TXNDC11: variants seen among roughly 807,000 people sequenced by gnomAD.
TXNDC11 encodes thioredoxin domain containing 11.
In TXNDC11, 68 loss-of-function variants were observed where a neutral mutation model predicts 78.0. The ratio of observed to expected loss-of-function variants is 0.87; its 90% CI spans 0.72 to 1.07. The LOEUF is 1.07. Ranked by LOEUF, TXNDC11 falls within the 50% of genes least tolerant of loss-of-function variation. The pLI is 0.00. For synonymous variants in TXNDC11, 571 were observed against 495.2 expected (o/e 1.15, Z -2.03); for missense variants, 1,389 against 1,221.8 (o/e 1.14, Z -2.04).
Position 11,735,341 on chromosome 16 carries a change from A to G in TXNDC11, c.471+676T>C, listed in dbSNP as rs192984535. Among the ~76,000 whole-genome samples the G allele has an allele frequency of 3.0e-3, 451 of 152,302 alleles. 3 individuals are homozygous for G. Among genetic ancestry groups the G allele is most frequent in the African/African-American group, 9.8e-3 (408 of 41,540 alleles). On this transcript the variant is annotated intron_variant, in intron 2 of 11. Coordinates refer to ENST00000283033, the MANE Select transcript of TXNDC11 (RefSeq NM_015914.7). ...ACTGTGCACTTACATACTAAAATAT[A>G]TATCATTTAGTTACAAATTACTTTC...
chr16:11,700,399 A>C, intron 6 of TXNDC11, 53 bp downstream of exon 6: 1 of 848,342 alleles, frequency 1.2e-6, no homozygotes, highest in African/African-American at 1.7e-5. Context: ...TCTGTGACCT[A>C]AACAAGGTTA....
At chr16:11,694,324 G>C (rs1253727309) in intron 7 of TXNDC11, among the ~76,000 whole-genome samples, 3 of 151,918 alleles carry the variant, frequency 2.0e-5, no homozygotes, top group Non-Finnish European at 4.4e-5. Context: ...ATTTTTAGGA[G>C]AGACGAGATT....
Position 11,684,156 on chromosome 16 carries a change from T to G in TXNDC11, c.2234+9A>C. The G allele has an allele frequency of 6.2e-7, 1 of 1,610,062 alleles. No individual in the cohort carries two copies. Among genetic ancestry groups the G allele is most frequent in the Non-Finnish European group, 8.5e-7 (1 of 1,176,570 alleles). On this transcript the variant is annotated intron_variant, in intron 11 of 11. Coordinates refer to ENST00000283033, the MANE Select transcript of TXNDC11 (RefSeq NM_015914.7). Reference sequence around the variant, plus strand: ...CAACTGCCCACCAGTGACAAAAATTTGGCATTACCTGTTGCAGGGAAAAAA... The same window carrying G: ...CAACTGCCCACCAGTGACAAAAATTGGGCATTACCTGTTGCAGGGAAAAAA...
At chr16:11,689,103 T>TA (rs2141981699) in intron 8 of TXNDC11, among the ~76,000 whole-genome samples, 1 of 151,288 alleles carries the variant, frequency 6.6e-6, no homozygotes, top group African/African-American at 2.4e-5. Context: ...TTTTTTTTTT[T>TA]AAAGAGACAG....
chr16:11,700,695 A>C, intron 5 of TXNDC11, 131 bp from the exon 6 acceptor site: 1 of 573,760 alleles, frequency 1.7e-6, no homozygotes, highest in Middle Eastern at 2.6e-4. Context: ...CTAGAGAGGG[A>C]AGGAAGAGGC....
chr16:11,697,581 C>A (rs1295363729), intron 7 of TXNDC11, among the ~76,000 whole-genome samples: 1 of 152,168 alleles, frequency 6.6e-6, no homozygotes, highest in Non-Finnish European at 1.5e-5. Context: ...GAACAGCAGG[C>A]TCCGATGGCG....
At chr16:11,685,795 G>C (rs564125469) in intron 10 of TXNDC11, among the ~76,000 whole-genome samples, 73 of 152,298 alleles carry the variant, frequency 4.8e-4, no homozygotes, top group African/African-American at 1.7e-3. Flanking sequence ...TTCTAAACAA[G>C]TGGGAGTGAA....
chr16:11,701,492 G>C (rs528781908), intron 5 of TXNDC11, among the ~76,000 whole-genome samples: 26 of 152,190 alleles, frequency 1.7e-4, no homozygotes, highest in Non-Finnish European at 3.5e-4. Flanking sequence ...TTTCATGCTA[G>C]TATCCCAGCA....
chr16:11,680,277 A>G (rs1000964874), intron 11 of TXNDC11, among the ~76,000 whole-genome samples: 1 of 152,230 alleles, frequency 6.6e-6, no homozygotes, highest in African/African-American at 2.4e-5. Context: ...CCGGAGAAAA[A>G]GGAAGAACTT....
rs765247609 is a variant in TXNDC11 at position 11,721,559 on chromosome 16, A to C, written c.793+18T>G. 1.4e-6 allele frequency: 2 copies of C among 1,425,826 alleles called. No individual in the cohort carries two copies. The highest frequency in any genetic ancestry group is 2.3e-5 in the South Asian group (2 of 85,456). 88.3% of individuals were successfully genotyped at this position (1,425,826 alleles called of 1,614,324 possible). A position where few individuals can be genotyped will look rare whatever the true frequency, so the allele number is the denominator to read the frequency against. ...ATTCTACTGAAGTAACAATGTCTTA[A>C]TATGAATCATTTTTTACCTTTCTTT... is the stretch of plus-strand genomic sequence containing the variant. On this transcript the variant is annotated intron_variant, in intron 5 of 11. Transcript: ENST00000283033.
At chr16:11,681,810 A>G (rs1192904431) in intron 11 of TXNDC11, among the ~76,000 whole-genome samples, 1 of 152,230 alleles carries the variant, frequency 6.6e-6, no homozygotes, top group African/African-American at 2.4e-5. Context: ...CAGGAAGGCT[A>G]TGTCTCCCTC....
intron 7 of TXNDC11, among the ~76,000 whole-genome samples, chr16:11,695,835 A>C (rs890598163): frequency 6.6e-6 from 1 of 152,046 alleles, no homozygotes; most frequent in African/African-American, 2.4e-5. Flanking sequence ...GGCTTTTGAA[A>C]CCTGCCTGGG....
At chr16:11,731,888 C>A (rs1002935671) in intron 3 of TXNDC11, among the ~76,000 whole-genome samples, 1 of 152,166 alleles carries the variant, frequency 6.6e-6, no homozygotes, top group African/African-American at 2.4e-5. Context: ...ATTACCACCA[C>A]CACCAACCCC....
chr16:11,693,023 C>T (rs2050763694), intron 7 of TXNDC11, among the ~76,000 whole-genome samples: 1 of 152,262 alleles, frequency 6.6e-6, no homozygotes, highest in Admixed American at 6.6e-5. Flanking sequence ...CCTGAGACCC[C>T]TTCTACAGTC....
At chr16:11,688,532 T>C (rs745898517) in intron 8 of TXNDC11, 87 bp from the exon 9 acceptor site, 4 of 1,105,486 alleles carry the variant, frequency 3.6e-6, no homozygotes, top group Non-Finnish European at 5.1e-6. Flanking sequence ...TTTTAAAAAC[T>C]CAAATGACTT....
Position 11,698,182 on chromosome 16 carries a change from C to T in TXNDC11, c.1050G>A (p.Ala350=), listed in dbSNP as rs750974659. ...LLNNELKKGP[A]LFLFIPFNPL... Reference sequence around the variant, plus strand: ...GATTAAAAGGTATGAACAGAAACAGCGCTGGTCCTTTCTTCAGCTCGTTAT... The same window carrying T: ...GATTAAAAGGTATGAACAGAAACAGTGCTGGTCCTTTCTTCAGCTCGTTAT... The change falls in exon 7 of 12, where the codon GCG becomes GCA. Residue 350 remains alanine (A), a synonymous_variant. Coordinates refer to ENST00000283033, the MANE Select transcript of TXNDC11 (RefSeq NM_015914.7). 3.7e-6 allele frequency: 6 copies of T among 1,614,228 alleles called. No homozygotes were observed. The highest frequency in any genetic ancestry group is 1.3e-5 in the African/African-American group (1 of 75,058).
At chr16:11,718,381 T>G (rs180878836) in intron 5 of TXNDC11, among the ~76,000 whole-genome samples, 1 of 152,368 alleles carries the variant, frequency 6.6e-6, no homozygotes, top group East Asian at 1.9e-4. Context: ...ACTTCTTCAG[T>G]TCAGTTCTCT....
intron 4 of TXNDC11, among the ~76,000 whole-genome samples, chr16:11,728,199 T>C (rs1420998898): frequency 6.6e-6 from 1 of 152,218 alleles, no homozygotes; most frequent in Non-Finnish European, 1.5e-5. Context: ...TAGAATTCTG[T>C]CTCTATCTTA....
intron 5 of TXNDC11, among the ~76,000 whole-genome samples, chr16:11,701,432 C>A (rs887594902): frequency 6.6e-6 from 1 of 152,058 alleles, no homozygotes; most frequent in Admixed American, 6.6e-5. Flanking sequence ...CCACCACACT[C>A]GGCCCAATTT....
Sources: allele counts gnomAD v4.1 joint callset (sites outside exome capture counted in the v4.1 genomes callset), GRCh38; gene constraint gnomAD v4.1.1; transcripts MANE v1.5; gene names NCBI Gene and HGNC (gene_info 2026-07-23, HGNC 2026-07-21).